NCOA6: variants seen among roughly 807,000 people sequenced by gnomAD.
NCOA6 encodes nuclear receptor coactivator 6, also known as NRC RAP250.
NCOA6 carries 49 observed loss-of-function variants against 171.4 expected under a neutral mutation model. The observed-to-expected ratio is 0.29, with a 90% confidence interval of 0.23 to 0.36. The LOEUF (loss-of-function observed/expected upper bound fraction) is 0.36, where lower values mean the gene tolerates loss of function less well. Ranked by LOEUF, NCOA6 falls within the 10% of genes least tolerant of loss-of-function variation. NCOA6 has a pLI of 1.00. For missense variants in NCOA6, 2,248 were observed against 2,554.5 expected (o/e 0.88, Z 2.59); for synonymous variants, 910 against 927.5 (o/e 0.98, Z 0.34).
In NCOA6 at chr20:34,782,228, A is replaced by G; in HGVS notation, c.128T>C (p.Leu43Ser). 1 of 1,612,794 alleles carries G rather than the reference A, an allele frequency of 6.2e-7. No homozygotes were observed. Among genetic ancestry groups the G allele is most frequent in the Non-Finnish European group, 8.5e-7 (1 of 1,179,336 alleles). The change falls in exon 3 of 15, where the codon TTG becomes TCG. Residue 43 changes from leucine to serine, a missense_variant. This residue lies in a region of NCOA6 where 987 missense variants were observed against 1,104.7 expected (regional missense o/e 0.89). Transcript: ENST00000359003. ...EDDDTKSDSI[L>S]EDSTIFVAFK... ...GGCCACAAAAATTGTGGAATCCTCC[A>G]AAATACTATCACTTTTTGTGTCATC...
chr20:34,731,976 G>C (rs1197286026), intron 13 of NCOA6, among the ~76,000 whole-genome samples: 1 of 152,306 alleles, frequency 6.6e-6, no homozygotes, highest in South Asian at 2.1e-4. Flanking sequence ...TGCCGAGATC[G>C]TGCAACTGCA....
In NCOA6 at chr20:34,741,000, T is replaced by A; in HGVS notation, c.5256A>T (p.Pro1752=). The part of the protein sequence containing the change: ...QLPSPPCTSS[P]VVPSHPPVQQ... The stretch of plus-strand genomic sequence containing the variant: ...GCACAGGGGGATGAGAAGGGACAAC[T>A]GGAGAAGACGTACAAGGAGGGGAAG... The change falls in exon 11 of 15, where the codon CCA becomes CCT. Residue 1752 remains proline, a synonymous_variant. Coordinates refer to ENST00000359003, the MANE Select transcript of NCOA6 (RefSeq NM_014071.5). 1.2e-6 allele frequency: 2 copies of A among 1,614,106 alleles called. No homozygotes were observed. Among genetic ancestry groups the A allele is most frequent in the Non-Finnish European group, 1.7e-6 (2 of 1,180,022 alleles).
intron 11 of NCOA6, among the ~76,000 whole-genome samples, chr20:34,737,723 T>C (rs1255342723): frequency 2.0e-5 from 3 of 152,238 alleles, no homozygotes; most frequent in African/African-American, 7.2e-5. Flanking sequence ...AGATAAACTC[T>C]GCAACAACAT....
intron 5 of NCOA6, 96 bp downstream of exon 5, chr20:34,768,368 G>A (rs1045222975): frequency 1.7e-5 from 25 of 1,466,114 alleles, no homozygotes; most frequent in Non-Finnish European, 2.2e-5. Context: ...TGTTAAGTAT[G>A]CCATGAACCC....
intron 2 of NCOA6, among the ~76,000 whole-genome samples, chr20:34,783,548 A>G (rs983998459): frequency 6.6e-6 from 1 of 152,246 alleles, no homozygotes; most frequent in African/African-American, 2.4e-5. Context: ...GTAAGCAAAA[A>G]TGGCATGGAA....
At chr20:34,813,803 A>G (rs2078748315) in intron 1 of NCOA6, among the ~76,000 whole-genome samples, 1 of 152,166 alleles carries the variant, frequency 6.6e-6, no homozygotes. Context: ...ATATCAAAAA[A>G]AGCCCACAAA....
intron 10 of NCOA6, among the ~76,000 whole-genome samples, chr20:34,745,495 G>C (rs560751216): frequency 6.6e-6 from 1 of 152,246 alleles, no homozygotes; most frequent in East Asian, 1.9e-4. Flanking sequence ...TCTCACTGAC[G>C]GGAAGTGTGA....
chr20:34,736,780 T>G (rs1392920610), intron 11 of NCOA6, 22 bp from the exon 12 acceptor site: 2 of 1,588,956 alleles, frequency 1.3e-6, no homozygotes, highest in Non-Finnish European at 1.7e-6. Context: ...AAAAAAAAAT[T>G]ACAGACCTTT....
At chr20:34,780,684 ACT>A (rs1396120389) in intron 3 of NCOA6, among the ~76,000 whole-genome samples, 1 of 138,932 alleles carries the variant, frequency 7.2e-6, no homozygotes, top group African/African-American at 2.7e-5. Context: ...ACAGGGTCTC[ACT>A]CTGTCACACA....
At chr20:34,790,954 T>C (rs2077862298) in intron 2 of NCOA6, among the ~76,000 whole-genome samples, 1 of 152,152 alleles carries the variant, frequency 6.6e-6, no homozygotes, top group Non-Finnish European at 1.5e-5. Context: ...CCCGGTCTAA[T>C]TTGTATGAAA....
intron 2 of NCOA6, among the ~76,000 whole-genome samples, chr20:34,788,648 G>A (rs1373119431): frequency 6.6e-6 from 1 of 152,076 alleles, no homozygotes; most frequent in African/African-American, 2.4e-5. Flanking sequence ...TTAACTGAAG[G>A]ACATATAGGT....
intron 12 of NCOA6, among the ~76,000 whole-genome samples, chr20:34,734,140 C>T (rs2075873280): frequency 6.6e-6 from 1 of 150,644 alleles, no homozygotes. Context: ...GTGGCACTCA[C>T]TGCAACCCCC....
rs767479262 is a variant in NCOA6, at chr20:34,768,522, G to A, written c.456C>T (p.Pro152=). 2.5e-6 allele frequency: 4 copies of A among 1,614,130 alleles called. No individual in the cohort carries two copies. The highest frequency in any genetic ancestry group is 1.7e-5 in the Admixed American group (1 of 60,004). The change falls in exon 5 of 15, where the codon CCC becomes CCT. Residue 152 remains proline, a synonymous_variant. Transcript: ENST00000359003. The stretch of plus-strand genomic sequence containing the variant: ...TCCTAACTGAATTTCCAGCTCCCAT[G>A]GGTCCATTCATTCTCACATCTTGGC... The part of the protein sequence containing the change: ...NRSQDVRMNG[P]MGAGNSVRME...
At chr20:34,822,228 C>A (rs1173706775) in intron 1 of NCOA6, among the ~76,000 whole-genome samples, 1 of 152,148 alleles carries the variant, frequency 6.6e-6, no homozygotes, top group African/African-American at 2.4e-5. Flanking sequence ...CACATACTCC[C>A]CTTCTCGAAG....
chr20:34,786,011 TTG>T, intron 2 of NCOA6, among the ~76,000 whole-genome samples: 1 of 152,140 alleles, frequency 6.6e-6, no homozygotes, highest in Non-Finnish European at 1.5e-5. Context: ...ATTTCAGAAC[TTG>T]TTAATTGGTA....
chr20:34,746,817 G>A lies in NCOA6; in HGVS notation c.2904C>T (p.Asn968=), dbSNP rs1368367240. 6.2e-6 allele frequency: 10 copies of A among 1,606,488 alleles called. No homozygotes were observed. Among genetic ancestry groups the A allele is most frequent in the Non-Finnish European group, 8.5e-6 (10 of 1,175,326 alleles). The change falls in exon 10 of 15, where the codon AAC becomes AAT. Residue 968 remains asparagine (N), a synonymous_variant. Transcript: ENST00000359003. ...NSGPKLPEFS[N]RPPGYPSQPV... is the part of the protein sequence containing the mutation. ...CTAACATTTTATCACCTGGTGGCCG[G>A]TTTGAAAATTCTGGCAGTTTAGGGC... is the stretch of plus-strand genomic sequence containing the variant.
intron 2 of NCOA6, among the ~76,000 whole-genome samples, chr20:34,791,821 A>G (rs1040999997): frequency 6.6e-6 from 1 of 152,022 alleles, no homozygotes; most frequent in Non-Finnish European, 1.5e-5. Context: ...TCAAAAGAAG[A>G]AGGAGAGAGG....
At chr20:34,819,057 C>T (rs1224287967) in intron 1 of NCOA6, among the ~76,000 whole-genome samples, 2 of 152,156 alleles carry the variant, frequency 1.3e-5, no homozygotes, top group South Asian at 2.1e-4. Context: ...TCATTCTATT[C>T]ATTATGATCA....
Position 34,750,414 on chromosome 20 carries a change from T to G in NCOA6, c.1781A>C (p.Gln594Pro), listed in dbSNP as rs1228942546. 1.2e-6 allele frequency: 2 copies of G among 1,614,038 alleles called. No individual in the cohort carries two copies. Among genetic ancestry groups the G allele is most frequent in the African/African-American group, 2.7e-5 (2 of 74,916 alleles). ...AGGAACCCCAGAAGTACCAGCCTGCTGATTGTTCATGTTGCCATGAATTCC... is the reference window on the plus strand; with the variant it reads ...AGGAACCCCAGAAGTACCAGCCTGCGGATTGTTCATGTTGCCATGAATTCC... ...LMGIHGNMNN[Q>P]QAGTSGVPQV... The change falls in exon 9 of 15, where the codon CAG becomes CCG. Residue 594 changes from glutamine (Q) to proline (P), a missense_variant. Physicochemically the swap from Gln to Pro is moderately conservative, Grantham distance 76. This residue lies in a region of NCOA6 where 987 missense variants were observed against 1,104.7 expected (regional missense o/e 0.89). Coordinates refer to ENST00000359003, the MANE Select transcript of NCOA6 (RefSeq NM_014071.5).
Sources: allele counts gnomAD v4.1 joint callset (sites outside exome capture counted in the v4.1 genomes callset), GRCh38; gene constraint gnomAD v4.1.1; regional missense constraint gnomAD v4.1.1; transcripts MANE v1.5; gene names NCBI Gene and HGNC (gene_info 2026-07-23, HGNC 2026-07-21).